Variants in SGCZ observed in about 807,000 individuals in gnomAD.
SGCZ encodes zeta-sarcoglycan.
Under a neutral mutation model 41.3 loss-of-function variants are expected in SGCZ, and 40 were observed. The ratio of observed to expected loss-of-function variants is 0.97; its 90% CI spans 0.75 to 1.26. The LOEUF (loss-of-function observed/expected upper bound fraction) is 1.26, where lower values mean the gene tolerates loss of function less well. Ranked by LOEUF, SGCZ falls within the 50% of genes most tolerant of loss-of-function variation. The pLI, the probability that SGCZ is intolerant of heterozygous loss-of-function variation, is 0.00. For synonymous variants in SGCZ, 206 were observed against 137.5 expected (o/e 1.50, Z -3.49); for missense variants, 552 against 369.8 (o/e 1.49, Z -4.04).
intron 2 of SGCZ, among the ~76,000 whole-genome samples, chr8:14,432,538 G>C (rs532836873): frequency 8.6e-4 from 131 of 152,270 alleles, no homozygotes; most frequent in African/African-American, 3.0e-3. Flanking sequence ...TAAAGGGTGA[G>C]AAGGGGGTGA....
At chr8:14,479,731 C>CTTTTTTTTT (rs529812029) in intron 2 of SGCZ, among the ~76,000 whole-genome samples, 1,937 of 52,528 alleles carry the variant, frequency 0.037, 141 homozygotes, top group Non-Finnish European at 0.049. Context: ...AATTCTACTT[C>CTTTTTTTTT]TTTTTTTTTT....
At chr8:14,464,609 C>A (rs1436971021) in intron 2 of SGCZ, among the ~76,000 whole-genome samples, 1 of 149,378 alleles carries the variant, frequency 6.7e-6, no homozygotes, top group East Asian at 2.0e-4. Context: ...CTGCTTTAGT[C>A]TTTATGATTT....
At chr8:14,565,002 T>C (rs183563325) in intron 1 of SGCZ, among the ~76,000 whole-genome samples, 1 of 152,242 alleles carries the variant, frequency 6.6e-6, no homozygotes, top group East Asian at 1.9e-4. Flanking sequence ...AGTCAGGTTT[T>C]GCAGCACGGA....
chr8:14,622,181 T>A (rs1029130180), intron 1 of SGCZ, among the ~76,000 whole-genome samples: 1 of 152,104 alleles, frequency 6.6e-6, no homozygotes, highest in African/African-American at 2.4e-5. Context: ...GATTAATTGA[T>A]GAATTTGCAC....
chr8:14,735,682 C>T (rs1294374418), intron 1 of SGCZ, among the ~76,000 whole-genome samples: 1 of 152,148 alleles, frequency 6.6e-6, no homozygotes, highest in Non-Finnish European at 1.5e-5. Flanking sequence ...AGTCAATTCT[C>T]CTTAATAAAC....
intron 4 of SGCZ, among the ~76,000 whole-genome samples, chr8:14,166,090 C>G (rs1211761700): frequency 6.6e-6 from 1 of 152,088 alleles, no homozygotes; most frequent in Non-Finnish European, 1.5e-5. Flanking sequence ...TACATACATG[C>G]TTCCAGGACC....
At chr8:14,487,789 A>G (rs1482165686) in intron 2 of SGCZ, 1 of 152,172 alleles carries the variant, frequency 6.6e-6, no homozygotes, top group African/African-American at 2.4e-5. Flanking sequence ...ATTGTGTCAC[A>G]AATCCAAATC....
intron 1 of SGCZ, among the ~76,000 whole-genome samples, chr8:14,627,001 T>G (rs1043939272): frequency 3.3e-5 from 5 of 152,202 alleles, no homozygotes; most frequent in Non-Finnish European, 7.3e-5. Context: ...AAGCACATGA[T>G]AGTTGCCTTC....
At chr8:14,377,341 C>T (rs1339100272) in intron 2 of SGCZ, among the ~76,000 whole-genome samples, 1 of 152,032 alleles carries the variant, frequency 6.6e-6, no homozygotes. Flanking sequence ...CCCCTTGCCA[C>T]ATACCTTGCC....
At chr8:14,701,803 T>C (rs1430247624) in intron 1 of SGCZ, among the ~76,000 whole-genome samples, 1 of 151,914 alleles carries the variant, frequency 6.6e-6, no homozygotes, top group Admixed American at 6.6e-5. Context: ...GTGACCTCTA[T>C]TGACCCACCC....
At chr8:14,291,412 TTATG>T (rs1800838537) in intron 3 of SGCZ, among the ~76,000 whole-genome samples, 1 of 152,060 alleles carries the variant, frequency 6.6e-6, no homozygotes, top group Non-Finnish European at 1.5e-5. Flanking sequence ...ATATTTATGA[TTATG>T]TGTCATTCAT....
At chr8:14,881,476 T>C (rs1271030948) in intron 1 of SGCZ, among the ~76,000 whole-genome samples, 2 of 152,146 alleles carry the variant, frequency 1.3e-5, no homozygotes, top group African/African-American at 4.8e-5. Flanking sequence ...AGTGAAAAGA[T>C]GCAGATTGCA....
At chr8:14,933,559 G>A (rs1585391213) in intron 1 of SGCZ, among the ~76,000 whole-genome samples, 1 of 151,224 alleles carries the variant, frequency 6.6e-6, no homozygotes, top group South Asian at 2.1e-4. Flanking sequence ...AGCCTCCAGA[G>A]TAGCTGGGAC....
At chr8:14,216,558 C>G (rs897857997) in intron 4 of SGCZ, among the ~76,000 whole-genome samples, 1 of 152,120 alleles carries the variant, frequency 6.6e-6, no homozygotes, top group African/African-American at 2.4e-5. Flanking sequence ...TCAAAAGAAT[C>G]TTGCTCCATG....
At position 14,430,338 on chromosome 8, in the gene SGCZ, T is replaced by C. The variant is rs938744869; in HGVS notation, c.235-106134A>G. On this transcript the variant is annotated intron_variant, in intron 2 of 7. Transcript: ENST00000382080. ...TGTATCCAACAACATATCAAAAAGA[T>C]AATTCACCATAATCAAGTGGGTTTC... is the stretch of plus-strand genomic sequence containing the variant. 3.3e-5 allele frequency among the ~76,000 whole-genome samples: 5 copies of C among 152,242 alleles called. No homozygotes were observed. The East Asian group carries it at 9.7e-4, about 29-fold the overall frequency.
rs7014112 is a variant in SGCZ, at chr8:14,398,641, T to A, written c.235-74437A>T. Reference sequence around the variant, plus strand: ...AAAGGCTCAAGATTTTTATTTTTTTTAAAAACTGAGGAATCAGAAAAGGAA... The same window carrying A: ...AAAGGCTCAAGATTTTTATTTTTTTAAAAAACTGAGGAATCAGAAAAGGAA... On this transcript the variant is annotated intron_variant, in intron 2 of 7. Coordinates refer to ENST00000382080, the MANE Select transcript of SGCZ (RefSeq NM_139167.4). Among the ~76,000 whole-genome samples the A allele has an allele frequency of 3.0e-3, 463 of 152,242 alleles. 16 individuals are homozygous for A. The East Asian group carries it at 0.061, about 20-fold the overall frequency.
rs910945583 is a variant in SGCZ at position 14,604,436 on chromosome 8, G to T, written c.40-49510C>A. On this transcript the variant is annotated intron_variant, in intron 1 of 7. Transcript: ENST00000382080. Reference sequence around the variant, plus strand: ...ATAAGCCATGATTTTTTTTTTATCTGTGCACTAGAGCTTGAAATATGTATT... The same window carrying T: ...ATAAGCCATGATTTTTTTTTTATCTTTGCACTAGAGCTTGAAATATGTATT... 4.6e-5 allele frequency among the ~76,000 whole-genome samples: 7 copies of T among 151,950 alleles called. No individual in the cohort carries two copies. In the South Asian group the frequency reaches 1.2e-3, roughly 27 times the overall value.
At chr8:14,665,834 AT>A (rs1807893054) in intron 1 of SGCZ, among the ~76,000 whole-genome samples, 1 of 152,222 alleles carries the variant, frequency 6.6e-6, no homozygotes, top group Non-Finnish European at 1.5e-5. Flanking sequence ...TCATTCTGAA[AT>A]TAAATACGAG....
chr8:14,245,250 T>C (rs1799043430), intron 3 of SGCZ, among the ~76,000 whole-genome samples: 1 of 152,120 alleles, frequency 6.6e-6, no homozygotes, highest in African/African-American at 2.4e-5. Flanking sequence ...AACAGAGATA[T>C]AGATCAATGG....
Sources: gnomAD v4.1 joint callset for allele counts (sites outside exome capture counted in the v4.1 genomes callset) on GRCh38, gnomAD v4.1.1 for gene constraint, MANE v1.5 for transcripts, NCBI Gene and HGNC (gene_info 2026-07-23, HGNC 2026-07-21) for gene names.